ALLC: variants seen among roughly 807,000 people sequenced by gnomAD.
The protein encoded by ALLC is allantoicase.
A neutral mutation model predicts 45.0 loss-of-function variants in ALLC; 40 were observed. The ratio of observed to expected loss-of-function variants is 0.89; its 90% CI spans 0.69 to 1.16. The LOEUF (loss-of-function observed/expected upper bound fraction) is 1.16, where lower values mean the gene tolerates loss of function less well. Among genes scored for constraint, ALLC ranks in the 50% most tolerant of loss-of-function variants. The pLI, the probability that ALLC is intolerant of heterozygous loss-of-function variation, is 0.00. For missense variants in ALLC, 488 were observed against 493.1 expected (o/e 0.99, Z 0.10); for synonymous variants, 176 against 178.1 (o/e 0.99, Z 0.09).
chr2:3,682,724 A>G (rs553369567), intron 6 of ALLC, among the ~76,000 whole-genome samples: 2 of 152,098 alleles, frequency 1.3e-5, no homozygotes, highest in South Asian at 2.1e-4. Flanking sequence ...ACGGGGTTTC[A>G]CCGTGTTAGC....
At chr2:3,681,253 A>G (rs1029021682) in intron 5 of ALLC, among the ~76,000 whole-genome samples, 2 of 152,120 alleles carry the variant, frequency 1.3e-5, no homozygotes, top group African/African-American at 4.8e-5. Flanking sequence ...GAGTGCTTCT[A>G]TTTCTGAATT....
chr2:3,666,265 T>C (rs1011328974), intron 1 of ALLC, among the ~76,000 whole-genome samples: 5 of 152,232 alleles, frequency 3.3e-5, no homozygotes, highest in African/African-American at 1.2e-4. Flanking sequence ...ATAGTGAGCT[T>C]GCTGGAGCTG....
At chr2:3,682,914 T>G (rs1667232022) in intron 6 of ALLC, 28 bp from the exon 7 acceptor site, 2 of 1,610,672 alleles carry the variant, frequency 1.2e-6, no homozygotes, top group African/African-American at 1.3e-5. Flanking sequence ...TCAAGAGCAA[T>G]TGCTGACATT....
At chr2:3,652,507 A>G in the ALLC span, among the ~76,000 whole-genome samples, 2 of 151,988 alleles carry the variant, frequency 1.3e-5, no homozygotes, top group African/African-American at 4.8e-5. Context: ...TGTGTTTCCT[A>G]AGGATGGAGA....
At chr2:3,690,664 CAAAG>C (rs962981722) in intron 7 of ALLC, among the ~76,000 whole-genome samples, 1 of 148,248 alleles carries the variant, frequency 6.7e-6, no homozygotes, top group African/African-American at 2.5e-5. Context: ...TAGAAATAAA[CAAAG>C]AAAAACAAAA....
chr2:3,653,828 T>C (rs1028686913), upstream of ALLC, among the ~76,000 whole-genome samples: 6 of 152,216 alleles, frequency 3.9e-5, no homozygotes, highest in Admixed American at 3.3e-4. The surrounding 1 kb of genome is among the most constrained non-coding windows in gnomAD (Gnocchi z 4.1). Flanking sequence ...CTGCTACCCC[T>C]GTGCTGCAGC....
intron 1 of ALLC, among the ~76,000 whole-genome samples, chr2:3,663,584 G>GAA (rs373258016): frequency 1.4e-5 from 2 of 144,924 alleles, no homozygotes; most frequent in East Asian, 2.1e-4. Flanking sequence ...TTAAAAGTTG[G>GAA]AAAAAAAAAA....
intron 2 of ALLC, among the ~76,000 whole-genome samples, chr2:3,672,362 G>T (rs1279090667): frequency 8.1e-6 from 1 of 123,374 alleles, no homozygotes; most frequent in Non-Finnish European, 1.7e-5. Flanking sequence ...TAGATGGGAG[G>T]TCCTCTGGCT....
chr2:3,674,785 A>G (rs1666979244), intron 3 of ALLC, among the ~76,000 whole-genome samples: 1 of 152,194 alleles, frequency 6.6e-6, no homozygotes, highest in Non-Finnish European at 1.5e-5. Flanking sequence ...TAACTTACCT[A>G]TTCCCCAGGA....
intron 3 of ALLC, among the ~76,000 whole-genome samples, chr2:3,677,729 C>G (rs1404581823): frequency 6.6e-6 from 1 of 152,192 alleles, no homozygotes; most frequent in Non-Finnish European, 1.5e-5. Flanking sequence ...CTGGGTCCTG[C>G]TACCCCTAGT....
rs971626439 is a variant in ALLC, at chr2:3,701,611, G to T, written c.950G>T (p.Trp317Leu). The T allele has an allele frequency of 2.5e-6, 4 of 1,611,466 alleles. No homozygotes were observed. The African/African-American group carries it at 4.0e-5, about 16-fold the overall frequency. Reference sequence around the variant, plus strand: ...AAGTGGATTCTCCCGGCCCACAAGTGGAAACCACTGCTTCCAGTGACCAAG... The same window carrying T: ...AAGTGGATTCTCCCGGCCCACAAGTTGAAACCACTGCTTCCAGTGACCAAG... ...RQKWILPAHK[W>L]KPLLPVTKLS... The change falls in exon 11 of 12, where the codon TGG (tryptophan) becomes TTG (leucine). Residue 317 changes from tryptophan (W) to leucine (L), a missense_variant. Coordinates refer to ENST00000252505, the MANE Select transcript of ALLC (RefSeq NM_018436.4).
chr2:3,681,452 CTG>C (rs1435116847), intron 5 of ALLC, among the ~76,000 whole-genome samples, 180 bp from the exon 6 acceptor site: 1 of 152,128 alleles, frequency 6.6e-6, no homozygotes, highest in Non-Finnish European at 1.5e-5. Flanking sequence ...TTTGAAATGA[CTG>C]TTAATATATT....
intron 10 of ALLC, among the ~76,000 whole-genome samples, chr2:3,700,953 G>A (rs191660340): frequency 6.6e-6 from 1 of 152,186 alleles, no homozygotes; most frequent in Admixed American, 6.5e-5. Flanking sequence ...TAACCCCACT[G>A]AGCCCACGAT....
In ALLC at chr2:3,674,863, G is replaced by T. The variant is rs187115223; in HGVS notation, c.84+738G>T. 6.6e-5 allele frequency among the ~76,000 whole-genome samples: 10 copies of T among 152,320 alleles called. No individual in the cohort carries two copies. The East Asian group carries it at 1.9e-3, about 29-fold the overall frequency. Reference sequence around the variant, plus strand: ...TTTCTAGGTCACACAGTTACTAAATGCCAAAGCTCTTACCATTTTACCACA... The same window carrying T: ...TTTCTAGGTCACACAGTTACTAAATTCCAAAGCTCTTACCATTTTACCACA... On this transcript the variant is annotated intron_variant, in intron 3 of 11. Coordinates refer to ENST00000252505, the MANE Select transcript of ALLC (RefSeq NM_018436.4).
At chr2:3,688,206 A>C in intron 7 of ALLC, 1 of 171,070 alleles carries the variant, frequency 5.8e-6, no homozygotes. Context: ...TGCCTGCTTC[A>C]CCGCCTTTTT....
rs773058938 is a variant in ALLC at position 3,696,273 on chromosome 2, A to G, written c.668-2A>G. ...ACCATTCAACAATGTTATTTTCTGTAGGAGTTGGCGGGGCAAAGTCTATGG... is the reference window on the plus strand; with the variant it reads ...ACCATTCAACAATGTTATTTTCTGTGGGAGTTGGCGGGGCAAAGTCTATGG... On this transcript the variant is annotated splice_acceptor_variant, in intron 8 of 11. Coordinates refer to ENST00000252505, the MANE Select transcript of ALLC (RefSeq NM_018436.4). LOFTEE classifies it high-confidence loss of function. 9 of 1,611,858 alleles carry G rather than the reference A, an allele frequency of 5.6e-6. No homozygotes were observed. In the East Asian group the frequency reaches 1.8e-4, roughly 32 times the overall value.
At chr2:3,664,523 G>A (rs1442856383) in intron 1 of ALLC, among the ~76,000 whole-genome samples, 1 of 152,098 alleles carries the variant, frequency 6.6e-6, no homozygotes, top group Non-Finnish European at 1.5e-5. Flanking sequence ...TCGATTTGTG[G>A]GAAGGCTAAG....
At chr2:3,651,420 TGTGTGTGTGTGTGTGTGTGTGTTAGGAA>T in the ALLC span, among the ~76,000 whole-genome samples, 1 of 55,622 alleles carries the variant, frequency 1.8e-5, no homozygotes, top group Non-Finnish European at 4.1e-5. Flanking sequence ...TGTGTGTGTG[TGTGTGTGTGTGTGTGTGTGTGTTAGGAA>T]GGGAGACGAG....
chr2:3,663,603 T>G (rs1167555211), intron 1 of ALLC, among the ~76,000 whole-genome samples: 1 of 151,936 alleles, frequency 6.6e-6, no homozygotes, highest in African/African-American at 2.4e-5. Context: ...AAAGACTCTA[T>G]GTCAGAAACA....
Sources: gnomAD v4.1 joint callset for allele counts (sites outside exome capture counted in the v4.1 genomes callset) on GRCh38, gnomAD v4.1.1 for gene constraint, Gnocchi (gnomAD v3.1) non-coding constraint, MANE v1.5 for transcripts, NCBI Gene and HGNC (gene_info 2026-07-23, HGNC 2026-07-21) for gene names.